Variants in LRP1B observed in about 807,000 individuals in gnomAD.
LRP1B encodes the protein LDL receptor related protein 1B.
A neutral mutation model predicts 556.6 loss-of-function variants in LRP1B; 217 were observed. The observed-to-expected ratio is 0.39, with a 90% CI of 0.35 to 0.44. LRP1B has a LOEUF of 0.44. Among genes scored for constraint, LRP1B ranks in the 20% least tolerant of loss-of-function variants. The pLI, the probability that LRP1B is intolerant of heterozygous loss-of-function variation, is 1.00. For synonymous variants in LRP1B, 2,047 were observed against 1,865.8 expected (o/e 1.10, Z -2.50); for missense variants, 5,053 against 5,620.8 (o/e 0.90, Z 3.23).
chr2:141,249,980 T>C lies in LRP1B; in HGVS notation c.464-2626A>G, dbSNP rs936777914. On this transcript the variant is annotated intron_variant, in intron 4 of 90. Coordinates refer to ENST00000389484, the MANE Select transcript of LRP1B (RefSeq NM_018557.3). ...ACTTGGGAATGATGACTGAAGATAATTTGGGACTCCTGTAAATAATTCTGG... is the reference window on the plus strand; with the variant it reads ...ACTTGGGAATGATGACTGAAGATAACTTGGGACTCCTGTAAATAATTCTGG... Among the ~76,000 whole-genome samples, 12 of 152,010 alleles carry C rather than the reference T, an allele frequency of 7.9e-5. 1 individual carries two copies. The highest frequency in any genetic ancestry group is 5.2e-4 in the Admixed American group (8 of 15,256).
intron 58 of LRP1B, among the ~76,000 whole-genome samples, chr2:140,486,517 G>C (rs80300727): frequency 0.05 from 7,548 of 151,726 alleles, 232 homozygotes; most frequent in African/African-American, 0.056. Flanking sequence ...TATGTAAATA[G>C]GTGATTTAAA....
chr2:141,385,389 G>A (rs781303058), intron 3 of LRP1B, among the ~76,000 whole-genome samples: 1 of 152,150 alleles, frequency 6.6e-6, no homozygotes, highest in South Asian at 2.1e-4. Flanking sequence ...GATGCCACCA[G>A]TGGAAAATTC....
At chr2:141,364,011 T>A (rs1309919515) in intron 3 of LRP1B, among the ~76,000 whole-genome samples, 2 of 152,124 alleles carry the variant, frequency 1.3e-5, no homozygotes, top group African/African-American at 4.8e-5. Flanking sequence ...TGGATTTGGT[T>A]TGATTTTCTC....
chr2:140,777,246 A>C (rs1689530336), intron 32 of LRP1B, among the ~76,000 whole-genome samples: 1 of 152,348 alleles, frequency 6.6e-6, no homozygotes, highest in South Asian at 2.1e-4. Context: ...TTTTACATGT[A>C]ATACCACCTC....
At chr2:140,794,518 C>CACACACACACAT (rs1690234360) in intron 32 of LRP1B, among the ~76,000 whole-genome samples, 2 of 140,158 alleles carry the variant, frequency 1.4e-5, no homozygotes, top group Middle Eastern at 7.0e-3. Context: ...CACACACACA[C>CACACACACACAT]ATATTTCAAG....
Position 141,544,343 on chromosome 2 carries a change from C to CTTCTTCTTCTTCTT in LRP1B, c.206-63824_206-63811dup, listed in dbSNP as rs1685440007. On this transcript the variant is annotated intron_variant, in intron 2 of 90. Coordinates refer to ENST00000389484, the MANE Select transcript of LRP1B (RefSeq NM_018557.3). ...TCTTCTTCTTCTTCTTCTTCTTCTTCTTCTTCTTCTTCTTCTTCTTCTTCT... is the reference window on the plus strand; with the variant it reads ...TCTTCTTCTTCTTCTTCTTCTTCTTCTTCTTCTTCTTCTTTTCTTCTTCTTCTTCTTCTTCTTCT... 6.3e-4 allele frequency among the ~76,000 whole-genome samples: 53 copies of CTTCTTCTTCTTCTT among 83,502 alleles called. 3 individuals carry two copies. Among genetic ancestry groups the CTTCTTCTTCTTCTT allele is most frequent in the African/African-American group, 1.8e-3 (39 of 21,610 alleles). The allele number at this position is 83,502 out of a possible 152,430, so 54.8% of individuals were successfully genotyped here. A position where few individuals can be genotyped will look rare whatever the true frequency, so the allele number is the denominator to read the frequency against.
rs13404444 is a variant in LRP1B, at chr2:140,496,087, T to G, written c.8851-339A>C. 3.2e-3 allele frequency among the ~76,000 whole-genome samples: 490 copies of G among 152,288 alleles called. 3 individuals are homozygous for G. The highest frequency in any genetic ancestry group is 0.011 in the African/African-American group (477 of 41,566). The stretch of plus-strand genomic sequence containing the variant: ...ATTTTTCTATTGCATTACATTGTCT[T>G]TTTAGAATATTTTAGCAACTATAAG... On this transcript the variant is annotated intron_variant, in intron 55 of 90. Coordinates refer to ENST00000389484, the MANE Select transcript of LRP1B (RefSeq NM_018557.3).
At chr2:141,230,224 T>C (rs1683408074) in intron 5 of LRP1B, among the ~76,000 whole-genome samples, 1 of 152,134 alleles carries the variant, frequency 6.6e-6, no homozygotes, top group Non-Finnish European at 1.5e-5. Context: ...GTAACTTTTC[T>C]GCTAATTAAG....
intron 6 of LRP1B, among the ~76,000 whole-genome samples, chr2:141,213,117 A>ATT (rs551951254): frequency 1.6e-3 from 231 of 140,312 alleles, no homozygotes; most frequent in African/African-American, 5.8e-3. Flanking sequence ...CAGCTAATTA[A>ATT]TTTTTTTTTT....
At chr2:141,426,341 A>C (rs2104974734) in intron 3 of LRP1B, among the ~76,000 whole-genome samples, 1 of 152,160 alleles carries the variant, frequency 6.6e-6, no homozygotes. Flanking sequence ...GTATAGTTTG[A>C]AGTCAGGTAG....
At chr2:140,593,913 G>C (rs1011033646) in intron 43 of LRP1B, among the ~76,000 whole-genome samples, 3 of 152,060 alleles carry the variant, frequency 2.0e-5, no homozygotes, top group African/African-American at 7.2e-5. Flanking sequence ...TGAGTTGTAA[G>C]TGTGAGTTGT....
chr2:140,465,037 G>C (rs1003214798), intron 60 of LRP1B, among the ~76,000 whole-genome samples: 1 of 152,126 alleles, frequency 6.6e-6, no homozygotes, highest in African/African-American at 2.4e-5. Context: ...AAAGAAAAGA[G>C]GCTTAATTGG....
intron 6 of LRP1B, among the ~76,000 whole-genome samples, chr2:141,215,888 G>T (rs573179398): frequency 2.6e-5 from 4 of 152,328 alleles, no homozygotes; most frequent in African/African-American, 9.6e-5. Context: ...AGTTTGGAAA[G>T]TTTGCAGCTT....
At chr2:142,130,503 C>A (rs997469620) in intron 1 of LRP1B, 145 bp downstream of exon 1, 13 of 662,104 alleles carry the variant, frequency 2.0e-5, no homozygotes, top group African/African-American at 7.3e-5. Context: ...CTCTCACCCC[C>A]GCACAGGGCC....
chr2:141,998,491 CA>C (rs1441237221), intron 1 of LRP1B, among the ~76,000 whole-genome samples: 1 of 151,908 alleles, frequency 6.6e-6, no homozygotes, highest in African/African-American at 2.4e-5. Context: ...TTAAAAGAGG[CA>C]AAAAGGTTAT....
At chr2:140,484,642 T>C (rs2105361311) in intron 59 of LRP1B, among the ~76,000 whole-genome samples, 1 of 152,268 alleles carries the variant, frequency 6.6e-6, no homozygotes, top group South Asian at 2.1e-4. Context: ...TTATGTACAC[T>C]CTACTGAGCA....
intron 18 of LRP1B, among the ~76,000 whole-genome samples, chr2:140,969,061 T>C (rs6740199): frequency 0.85 from 128,766 of 152,094 alleles, 55,056 homozygotes; most frequent in Non-Finnish European, 0.9. Context: ...TGGTGCAGAG[T>C]TGAGTTCAAT....
intron 1 of LRP1B, among the ~76,000 whole-genome samples, chr2:142,029,917 T>G (rs557136687): frequency 6.6e-6 from 1 of 151,864 alleles, no homozygotes; most frequent in East Asian, 1.9e-4. Flanking sequence ...GCATTAGAGC[T>G]TGCAATAAAT....
chr2:140,790,933 T>C (rs1193438091), intron 32 of LRP1B, among the ~76,000 whole-genome samples: 1 of 133,672 alleles, frequency 7.5e-6, no homozygotes. Flanking sequence ...AGACACTGTC[T>C]CTACAAATTT....
Sources: allele counts gnomAD v4.1 joint callset (sites outside exome capture counted in the v4.1 genomes callset), GRCh38; gene constraint gnomAD v4.1.1; transcripts MANE v1.5; gene names NCBI Gene and HGNC (gene_info 2026-07-23, HGNC 2026-07-21).